HGD: variants seen among roughly 807,000 people sequenced by gnomAD.
HGD encodes the protein homogentisate 1,2-dioxygenase.
A neutral mutation model predicts 60.8 loss-of-function variants in HGD; 61 were observed. That is an observed-to-expected ratio of 1.00 (90% CI 0.82 to 1.24). HGD has a LOEUF of 1.24. HGD is among the 50% of genes most tolerant of loss of function. HGD has a pLI of 0.00. For synonymous variants in HGD, 212 were observed against 187.7 expected, an observed-to-expected ratio of 1.13 and a Z score of -1.06; for missense variants, 542 against 547.1, an observed-to-expected ratio of 0.99 and a Z score of 0.09.
In HGD at chr3:120,638,578, G is replaced by C. The variant is rs1410486099; in HGVS notation, c.883C>G (p.Pro295Ala). ...INSVAFDHAD[P>A]SIFTVLTAKS... Reference sequence around the variant, plus strand: ...GCAGTCAATACTGTGAAAATGGATGGGTCCTGTGAACACACAAGGAGAGAC... The same window carrying C: ...GCAGTCAATACTGTGAAAATGGATGCGTCCTGTGAACACACAAGGAGAGAC... Residue 295 changes from proline to alanine, a missense_variant, in exon 12 of 14, where the codon CCA (proline) becomes GCA (alanine). By Grantham distance (27) the Pro-to-Ala change is conservative. Transcript: ENST00000283871. 1 of 1,613,776 alleles carries C rather than the reference G, an allele frequency of 6.2e-7. No homozygotes were observed. The highest frequency in any genetic ancestry group is 8.5e-7 in the Non-Finnish European group (1 of 1,179,924).
chr3:120,674,969 G>A lies in HGD; in HGVS notation c.108C>T (p.Pro36=). Residue 36 remains proline (P), a synonymous_variant, in exon 3 of 14, where the codon CCC becomes CCT. Transcript: ENST00000283871. Reference sequence around the variant, plus strand: ...AGAGCTGCTCAGCATAGAGATTGTAGGGGCAGACCTGAGGATTATTCTGAA... The same window carrying A: ...AGAGCTGCTCAGCATAGAGATTGTAAGGGCAGACCTGAGGATTATTCTGAA... ...PEGQNNPQVC[P]YNLYAEQLSG... 1 of 1,611,046 alleles carries A rather than the reference G, an allele frequency of 6.2e-7. No homozygotes were observed. Among genetic ancestry groups the A allele is most frequent in the Non-Finnish European group, 8.5e-7 (1 of 1,177,548 alleles).
At chr3:120,676,324 G>A (rs1375000616) in intron 1 of HGD, among the ~76,000 whole-genome samples, 2 of 152,190 alleles carry the variant, frequency 1.3e-5, no homozygotes, top group East Asian at 3.8e-4. Context: ...TTGTGCGAAT[G>A]CATGAAAATA....
At chr3:120,643,676 G>T (rs901571784) in intron 10 of HGD, among the ~76,000 whole-genome samples, 8 of 152,140 alleles carry the variant, frequency 5.3e-5, no homozygotes, top group Non-Finnish European at 8.8e-5. Context: ...ATGCTAAACA[G>T]AAGAGATCTT....
intron 3 of HGD, among the ~76,000 whole-genome samples, chr3:120,670,848 G>C (rs1295346645): frequency 1.3e-5 from 2 of 152,192 alleles, no homozygotes; most frequent in Admixed American, 1.3e-4. Flanking sequence ...TACCTTGAGG[G>C]ATATCTGTGT....
chr3:120,653,210 A>T (rs886870534), intron 4 of HGD, among the ~76,000 whole-genome samples: 1 of 152,150 alleles, frequency 6.6e-6, no homozygotes, highest in African/African-American at 2.4e-5. Flanking sequence ...ACCAAACCCC[A>T]CGTTTGTCCC....
At chr3:120,630,569 C>T (rs1013484461) in intron 13 of HGD, among the ~76,000 whole-genome samples, 8 of 151,912 alleles carry the variant, frequency 5.3e-5, no homozygotes, top group Non-Finnish European at 1.2e-4. Flanking sequence ...ACTGGCTAGT[C>T]ATAAGCAGAA....
chr3:120,630,005 G>A (rs1396234686), intron 13 of HGD, among the ~76,000 whole-genome samples: 1 of 152,046 alleles, frequency 6.6e-6, no homozygotes, highest in South Asian at 2.1e-4. Flanking sequence ...GCCAAATCAG[G>A]AATGCAATCC....
At position 120,667,326 on chromosome 3, in the gene HGD, C is replaced by CAAAAA. The variant is rs71133514; in HGVS notation, c.282+3096_282+3100dup. On this transcript the variant is annotated intron_variant, in intron 4 of 13. Transcript: ENST00000283871. ...GAGCAACAGGGTGAGACTCTTGTCT[C>CAAAAA]AAAAAAAAAAAAAAAAAAAAAAAAA... 9.0e-4 allele frequency among the ~76,000 whole-genome samples: 54 copies of CAAAAA among 60,038 alleles called. 2 individuals are homozygous for CAAAAA. The highest frequency in any genetic ancestry group is 1.9e-3 in the African/African-American group (27 of 14,150). 39.4% of individuals were successfully genotyped at this position (60,038 alleles called of 152,430 possible). A position where few individuals can be genotyped will look rare whatever the true frequency, so the allele number is the denominator to read the frequency against.
intron 3 of HGD, among the ~76,000 whole-genome samples, chr3:120,673,416 T>C (rs1257893803): frequency 6.6e-6 from 1 of 152,092 alleles, no homozygotes; most frequent in Admixed American, 6.6e-5. Context: ...GAATGGGCCA[T>C]AAAGTCAAGA....
chr3:120,675,035 C>T, intron 2 of HGD, 46 bp from the exon 3 acceptor site: 1 of 1,357,618 alleles, frequency 7.4e-7, no homozygotes, highest in Non-Finnish European at 1.1e-6. Flanking sequence ...ATCCGAAAAG[C>T]ATCCCACCTT....
intron 1 of HGD, among the ~76,000 whole-genome samples, chr3:120,677,599 T>G (rs1421823655): frequency 6.6e-6 from 1 of 152,186 alleles, no homozygotes; most frequent in Non-Finnish European, 1.5e-5. Context: ...GAAACTTCAT[T>G]AGCAATTTTA....
chr3:120,665,104 T>G (rs1002672148), intron 4 of HGD, among the ~76,000 whole-genome samples: 1 of 152,150 alleles, frequency 6.6e-6, no homozygotes, highest in African/African-American at 2.4e-5. Context: ...AAGACATTTG[T>G]GGAGGGAAGG....
chr3:120,660,835 T>G (rs1941640225), intron 4 of HGD, among the ~76,000 whole-genome samples: 1 of 152,106 alleles, frequency 6.6e-6, no homozygotes, highest in Admixed American at 6.6e-5. Context: ...AACAAAAGTC[T>G]TTCATGAGGC....
chr3:120,681,295 T>C (rs1421150981), intron 1 of HGD, among the ~76,000 whole-genome samples: 1 of 152,262 alleles, frequency 6.6e-6, no homozygotes, highest in Non-Finnish European at 1.5e-5. Context: ...GCGTTGAGCA[T>C]TGATTCAAGC....
At chr3:120,652,144 C>G (rs1449571891) in intron 5 of HGD, among the ~76,000 whole-genome samples, 1 of 152,056 alleles carries the variant, frequency 6.6e-6, no homozygotes, top group Admixed American at 6.5e-5. Context: ...AACAAGAAAG[C>G]ACATGAATGA....
intron 7 of HGD, 124 bp downstream of exon 7, chr3:120,647,753 G>A: frequency 2.3e-6 from 2 of 859,116 alleles, no homozygotes; most frequent in East Asian, 4.8e-5. Context: ...CTCAGTCTCT[G>A]GATTGCACTA....
At chr3:120,638,613 G>C (rs748171796) in intron 11 of HGD, 32 bp from the exon 12 acceptor site, 3 of 1,612,980 alleles carry the variant, frequency 1.9e-6, no homozygotes, top group South Asian at 1.1e-5. Flanking sequence ...CTGAACGCAT[G>C]ATGCAAGGGA....
At position 120,652,163 on chromosome 3, in the gene HGD, C is replaced by T. The variant is rs769151110; in HGVS notation, c.342+429G>A. Among the ~76,000 whole-genome samples, 4 of 152,004 alleles carry T rather than the reference C, an allele frequency of 2.6e-5. No individual in the cohort carries two copies. The East Asian group carries it at 7.7e-4, about 29-fold the overall frequency. On this transcript the variant is annotated intron_variant, in intron 5 of 13. Transcript: ENST00000283871. ...AGAAAGCACATGAATGACTATAAACCAAATCAAATTTGTTTTTAATAGTAT... is the reference window on the plus strand; with the variant it reads ...AGAAAGCACATGAATGACTATAAACTAAATCAAATTTGTTTTTAATAGTAT...
chr3:120,635,873 C>CT (rs1940755284), intron 12 of HGD, among the ~76,000 whole-genome samples: 1 of 152,118 alleles, frequency 6.6e-6, no homozygotes, highest in African/African-American at 2.4e-5. Context: ...TCAGATGACT[C>CT]TATTATTCCT....
Sources: allele counts gnomAD v4.1 joint callset (sites outside exome capture counted in the v4.1 genomes callset), GRCh38; gene constraint gnomAD v4.1.1; transcripts MANE v1.5; gene names NCBI Gene and HGNC (gene_info 2026-07-23, HGNC 2026-07-21).